Variants in CCDC178 observed in about 807,000 individuals in gnomAD.
CCDC178 encodes the protein coiled-coil domain containing 178, also known as coiled-coil domain-containing protein 178.
A neutral mutation model predicts 117.4 loss-of-function variants in CCDC178; 126 were observed. The ratio of observed to expected loss-of-function variants is 1.07; its 90% CI spans 0.93 to 1.24. The LOEUF (loss-of-function observed/expected upper bound fraction) is 1.24, where lower values mean the gene tolerates loss of function less well. CCDC178 is among the 50% of genes most tolerant of loss of function. CCDC178 has a pLI of 0.00. For synonymous variants in CCDC178, 283 were observed against 313.4 expected, an observed-to-expected ratio of 0.90 and a Z score of 1.02; for missense variants, 1,030 against 986.9, an observed-to-expected ratio of 1.04 and a Z score of -0.59.
At chr18:33,153,101 C>T (rs1020884237) in intron 20 of CCDC178, among the ~76,000 whole-genome samples, 4 of 148,216 alleles carry the variant, frequency 2.7e-5, no homozygotes, top group Non-Finnish European at 5.9e-5. Flanking sequence ...GGAAAATTTT[C>T]ATGCTACATG....
intron 15 of CCDC178, among the ~76,000 whole-genome samples, chr18:33,244,445 G>A (rs372781172): frequency 1.8e-4 from 28 of 151,828 alleles, no homozygotes; most frequent in African/African-American, 6.8e-4. Context: ...GGTGGGACCA[G>A]GTGGAGATAA....
chr18:33,216,015 T>C (rs1447446706), intron 18 of CCDC178, among the ~76,000 whole-genome samples: 1 of 151,956 alleles, frequency 6.6e-6, no homozygotes, highest in African/African-American at 2.4e-5. Context: ...GGAGGATCAC[T>C]TTAGTATAGG....
chr18:33,436,164 T>C (rs973537033), intron 2 of CCDC178, among the ~76,000 whole-genome samples: 1 of 152,138 alleles, frequency 6.6e-6, no homozygotes, highest in African/African-American at 2.4e-5. Context: ...AATGGGATCA[T>C]AGAAAACAAG....
intron 20 of CCDC178, among the ~76,000 whole-genome samples, chr18:33,161,332 A>T (rs957972262): frequency 6.6e-6 from 1 of 152,122 alleles, no homozygotes; most frequent in African/African-American, 2.4e-5. Context: ...CTATCACATG[A>T]ACACCGAGAC....
chr18:33,082,052 G>A (rs2057306029), intron 21 of CCDC178, among the ~76,000 whole-genome samples: 1 of 152,158 alleles, frequency 6.6e-6, no homozygotes, highest in African/African-American at 2.4e-5. Context: ...TTTACTTGAA[G>A]TCCATTTCAA....
At chr18:33,351,596 A>G (rs1391041493) in intron 7 of CCDC178, among the ~76,000 whole-genome samples, 1 of 152,160 alleles carries the variant, frequency 6.6e-6, no homozygotes, top group Non-Finnish European at 1.5e-5. Context: ...AGGCTGAAGT[A>G]CAGTGGCACA....
chr18:33,129,323 A>G (rs912200712), intron 20 of CCDC178, among the ~76,000 whole-genome samples: 4 of 152,148 alleles, frequency 2.6e-5, no homozygotes, highest in African/African-American at 4.8e-5. Flanking sequence ...AAAGGATTTA[A>G]TGGGATTAAT....
chr18:33,145,957 A>C (rs144578520), intron 20 of CCDC178, among the ~76,000 whole-genome samples: 1 of 152,228 alleles, frequency 6.6e-6, no homozygotes, highest in Non-Finnish European at 1.5e-5. Context: ...CCTGATTAAT[A>C]CTATTGATTG....
intron 3 of CCDC178, 70 bp from the exon 4 acceptor site, chr18:33,397,278 C>T: frequency 9.9e-7 from 1 of 1,009,692 alleles, no homozygotes; most frequent in Non-Finnish European, 1.5e-6. Context: ...CTATATTGCA[C>T]TAGTAAGGAT....
At chr18:33,110,283 A>G (rs564537761) in intron 20 of CCDC178, among the ~76,000 whole-genome samples, 1 of 151,538 alleles carries the variant, frequency 6.6e-6, no homozygotes, top group Non-Finnish European at 1.5e-5. Context: ...TTTATTCATC[A>G]TGGATGAGAG....
At chr18:33,209,553 A>G (rs1320141186) in intron 20 of CCDC178, among the ~76,000 whole-genome samples, 1 of 152,046 alleles carries the variant, frequency 6.6e-6, no homozygotes, top group Non-Finnish European at 1.5e-5. Context: ...CATTACATAC[A>G]CATTTACACC....
intron 14 of CCDC178, among the ~76,000 whole-genome samples, chr18:33,262,547 C>T (rs1007616508): frequency 2.0e-5 from 3 of 152,090 alleles, no homozygotes; most frequent in Non-Finnish European, 2.9e-5. Context: ...GTCAAAATGC[C>T]TTAAAATGAC....
chr18:32,938,766 A>C (rs1171292814), intron 22 of CCDC178, among the ~76,000 whole-genome samples: 2 of 152,186 alleles, frequency 1.3e-5, no homozygotes, highest in African/African-American at 4.8e-5. Flanking sequence ...GCAACAACAC[A>C]TAAAAAGTTA....
intron 14 of CCDC178, among the ~76,000 whole-genome samples, chr18:33,261,549 G>T (rs1430106769): frequency 6.6e-6 from 1 of 152,104 alleles, no homozygotes; most frequent in African/African-American, 2.4e-5. Context: ...TATATTGTAA[G>T]AGATATCTTT....
At chr18:33,066,632 T>C (rs2057021716) in intron 21 of CCDC178, among the ~76,000 whole-genome samples, 1 of 152,150 alleles carries the variant, frequency 6.6e-6, no homozygotes, top group South Asian at 2.1e-4. Flanking sequence ...AAGACACATG[T>C]AAATGGAAAG....
At chr18:33,000,129 T>G (rs2144767039) in intron 21 of CCDC178, among the ~76,000 whole-genome samples, 1 of 151,576 alleles carries the variant, frequency 6.6e-6, no homozygotes, top group South Asian at 2.1e-4. Flanking sequence ...CTATCAAAAA[T>G]ATTTAACAAG....
intron 14 of CCDC178, among the ~76,000 whole-genome samples, chr18:33,251,152 G>A (rs1350556065): frequency 6.6e-6 from 1 of 151,566 alleles, no homozygotes; most frequent in African/African-American, 2.4e-5. Context: ...AGAAAGAGAT[G>A]AGTTACAGGA....
At chr18:33,433,832 G>A (rs2064252896) in intron 2 of CCDC178, among the ~76,000 whole-genome samples, 1 of 151,306 alleles carries the variant, frequency 6.6e-6, no homozygotes, top group Admixed American at 6.6e-5. Flanking sequence ...TTTCTTATAC[G>A]TTTCATAAAG....
intron 2 of CCDC178, among the ~76,000 whole-genome samples, chr18:33,416,684 A>T (rs1264434541): frequency 6.6e-6 from 1 of 152,054 alleles, no homozygotes; most frequent in Non-Finnish European, 1.5e-5. Context: ...CACTCCCACA[A>T]GTAAAGAAGT....
Sources: allele counts gnomAD v4.1 joint callset (sites outside exome capture counted in the v4.1 genomes callset), GRCh38; gene constraint gnomAD v4.1.1; transcripts MANE v1.5; gene names NCBI Gene and HGNC (gene_info 2026-07-23, HGNC 2026-07-21).